TAOK1: variants seen among roughly 807,000 people sequenced by gnomAD.
TAOK1 encodes the protein TAO kinase 1.
A neutral mutation model predicts 138.3 loss-of-function variants in TAOK1; 21 were observed. That is an observed-to-expected ratio of 0.15 (90% CI 0.11 to 0.22). The LOEUF is 0.22. Ranked by LOEUF, TAOK1 falls within the 10% of genes least tolerant of loss-of-function variation. TAOK1 has a pLI of 1.00. For missense variants in TAOK1, 651 were observed against 1,227.7 expected, an observed-to-expected ratio of 0.53 and a Z score of 7.02; for synonymous variants, 361 against 398.4, an observed-to-expected ratio of 0.91 and a Z score of 1.12.
At chr17:29,451,251 T>G (rs1005154556) in intron 1 of TAOK1, among the ~76,000 whole-genome samples, 2 of 152,186 alleles carry the variant, frequency 1.3e-5, no homozygotes, top group Non-Finnish European at 2.9e-5. Flanking sequence ...TTTTTTAAAG[T>G]GCTGTATAGT....
At chr17:29,401,861 G>T (rs1056197468) in intron 1 of TAOK1, among the ~76,000 whole-genome samples, 2 of 152,106 alleles carry the variant, frequency 1.3e-5, no homozygotes, top group Non-Finnish European at 2.9e-5. Flanking sequence ...ATGTTGGCCA[G>T]GCTGGTCTTG....
At chr17:29,526,058 C>T (rs35260328) in intron 17 of TAOK1, among the ~76,000 whole-genome samples, 22,823 of 151,904 alleles carry the variant, frequency 0.15, 1,938 homozygotes, top group Admixed American at 0.21. Flanking sequence ...CTTTGGGAGG[C>T]TGAGGTCGGG....
intron 11 of TAOK1, among the ~76,000 whole-genome samples, 188 bp downstream of exon 11, chr17:29,495,915 TA>T (rs778249210): frequency 2.0e-5 from 3 of 151,098 alleles, no homozygotes; most frequent in Non-Finnish European, 3.0e-5. Context: ...TAAGAAAAGT[TA>T]AAAAAAAAGT....
chr17:29,508,419 C>T (rs1157745561), intron 14 of TAOK1, among the ~76,000 whole-genome samples: 1 of 152,010 alleles, frequency 6.6e-6, no homozygotes, highest in Admixed American at 6.6e-5. Context: ...TTGTAATAGC[C>T]AACAAAATTT....
At chr17:29,444,873 A>G (rs529586406) in intron 1 of TAOK1, among the ~76,000 whole-genome samples, 2 of 152,330 alleles carry the variant, frequency 1.3e-5, no homozygotes, top group East Asian at 3.9e-4. Flanking sequence ...TTTACTGTAT[A>G]AATTCTACCC....
Position 29,421,208 on chromosome 17 carries a change from C to T in TAOK1, c.-95+30184C>T, listed in dbSNP as rs921766013. Among the ~76,000 whole-genome samples, 40 of 150,408 alleles carry T rather than the reference C, an allele frequency of 2.7e-4. 1 individual carries two copies. The highest frequency in any genetic ancestry group is 9.3e-4 in the African/African-American group (38 of 40,840). ...CCTCCCGGAGTGCTGGGATTACAGG[C>T]GTGAGCCACCGCATCCAGCCGGTTA... On this transcript the variant is annotated intron_variant, in intron 1 of 19. Coordinates refer to ENST00000261716, the MANE Select transcript of TAOK1 (RefSeq NM_020791.4).
chr17:29,402,442 A>G (rs1020871315), intron 1 of TAOK1, among the ~76,000 whole-genome samples: 7 of 151,976 alleles, frequency 4.6e-5, no homozygotes, highest in African/African-American at 1.7e-4. Context: ...AGCTGAGACT[A>G]CAGTCATGCG....
chr17:29,489,901 AT>A (rs2031261529), intron 9 of TAOK1, 144 bp downstream of exon 9: 2 of 477,818 alleles, frequency 4.2e-6, no homozygotes, highest in Non-Finnish European at 6.9e-6. Flanking sequence ...ACCCTTTTAA[AT>A]ATATTTATTC....
chr17:29,448,625 G>C (rs2030154789), intron 1 of TAOK1, among the ~76,000 whole-genome samples: 1 of 152,250 alleles, frequency 6.6e-6, no homozygotes, highest in East Asian at 1.9e-4. Flanking sequence ...TTGTCTCTCT[G>C]AATTTCTGGA....
At chr17:29,521,356 ATAAAG>A (rs1222597471) in intron 16 of TAOK1, among the ~76,000 whole-genome samples, 9 of 152,242 alleles carry the variant, frequency 5.9e-5, no homozygotes, top group Non-Finnish European at 8.8e-5. Flanking sequence ...GAGGTCTAAA[ATAAAG>A]GAATGACATT....
intron 1 of TAOK1, among the ~76,000 whole-genome samples, chr17:29,450,191 A>G (rs1365979100): frequency 6.6e-6 from 1 of 151,700 alleles, no homozygotes; most frequent in Non-Finnish European, 1.5e-5. Flanking sequence ...GGCACAAGTG[A>G]TCCTCCCACC....
At chr17:29,465,888 A>G (rs2153025551) in intron 2 of TAOK1, among the ~76,000 whole-genome samples, 1 of 129,894 alleles carries the variant, frequency 7.7e-6, no homozygotes, top group Admixed American at 8.3e-5. Context: ...ACAGTATTAA[A>G]TAATCATCAT....
rs567506035 is a variant in TAOK1, at chr17:29,412,216, T to C, written c.-95+21192T>C. 2.0e-5 allele frequency among the ~76,000 whole-genome samples: 3 copies of C among 152,258 alleles called. No homozygotes were observed. In the South Asian group the frequency reaches 6.2e-4, roughly 32 times the overall value. On this transcript the variant is annotated intron_variant, in intron 1 of 19. Coordinates refer to ENST00000261716, the MANE Select transcript of TAOK1 (RefSeq NM_020791.4). ...CGCCACCATGCCTGGCTAATTTTTG[T>C]ATTTTTAGTAAAGACGGGGTTTCAC...
intron 2 of TAOK1, among the ~76,000 whole-genome samples, chr17:29,460,512 G>A (rs1317464407): frequency 6.6e-6 from 1 of 152,168 alleles, no homozygotes; most frequent in African/African-American, 2.4e-5. Flanking sequence ...TTTTTGACAA[G>A]TATGACTGAA....
rs2031549462 is a variant in TAOK1 at position 29,502,578 on chromosome 17, T to C, written c.1204-11T>C. The C allele has an allele frequency of 6.3e-7, 1 of 1,598,158 alleles. No homozygotes were observed. Among genetic ancestry groups the C allele is most frequent in the South Asian group, 1.1e-5 (1 of 87,400 alleles). ...ACCTTACATAATATTGTCTTTTTTT[T>C]TTTTTCCTAGGAGGAAGAAAATTAC... On this transcript the variant is annotated splice_polypyrimidine_tract_variant and intron_variant, in intron 12 of 19. Coordinates refer to ENST00000261716, the MANE Select transcript of TAOK1 (RefSeq NM_020791.4).
At chr17:29,510,103 A>G (rs975708664) in intron 14 of TAOK1, among the ~76,000 whole-genome samples, 15 of 149,918 alleles carry the variant, frequency 1.0e-4, no homozygotes, top group Non-Finnish European at 3.0e-5. Flanking sequence ...GAGGCCGGGC[A>G]TGGTGGCTCA....
At position 29,510,237 on chromosome 17, in the gene TAOK1, C is replaced by T. The variant is rs572523163; in HGVS notation, c.1576-627C>T. ...TCTAAAAATACAAAAATTAGCCAGG[C>T]GTGGTGTCACACACCCGTAGTCACA... On this transcript the variant is annotated intron_variant, in intron 14 of 19. Transcript: ENST00000261716. Among the ~76,000 whole-genome samples, 11 of 152,098 alleles carry T rather than the reference C, an allele frequency of 7.2e-5. No homozygotes were observed. The East Asian group carries it at 9.8e-4, about 14-fold the overall frequency.
At chr17:29,507,261 GT>G (rs953878009) in intron 13 of TAOK1, among the ~76,000 whole-genome samples, 16 of 144,032 alleles carry the variant, frequency 1.1e-4, no homozygotes, top group Non-Finnish European at 1.7e-4. Flanking sequence ...TTAAATTGAG[GT>G]TTTTTTTTTG....
At chr17:29,426,071 G>A (rs796469892) in intron 1 of TAOK1, among the ~76,000 whole-genome samples, 128 of 152,110 alleles carry the variant, frequency 8.4e-4, no homozygotes, top group African/African-American at 2.7e-3. Flanking sequence ...TAGTAGAGAC[G>A]GGGTTTCACT....
Sources: allele counts gnomAD v4.1 joint callset (sites outside exome capture counted in the v4.1 genomes callset), GRCh38; gene constraint gnomAD v4.1.1; transcripts MANE v1.5; gene names NCBI Gene and HGNC (gene_info 2026-07-23, HGNC 2026-07-21).